Variants in CHN1 observed in about 807,000 individuals in gnomAD.
CHN1 encodes chimerin 1.
CHN1 carries 37 observed loss-of-function variants against 59.5 expected under a neutral mutation model. That is an observed-to-expected ratio of 0.62 (90% CI 0.48 to 0.82). The LOEUF (loss-of-function observed/expected upper bound fraction) is 0.82. Among genes scored for constraint, CHN1 ranks in the 40% least tolerant of loss-of-function variants. The pLI is 0.00. For missense variants in CHN1, 469 were observed against 571.0 expected (o/e 0.82, Z 1.82); for synonymous variants, 206 against 200.4 (o/e 1.03, Z -0.24).
intron 6 of CHN1, among the ~76,000 whole-genome samples, chr2:174,863,698 AT>A (rs1687131849): frequency 6.6e-6 from 1 of 152,198 alleles, no homozygotes; most frequent in Admixed American, 6.5e-5. Context: ...TCAGAACCGC[AT>A]ATCTAATCTA....
chr2:174,866,218 G>A (rs924957599), intron 6 of CHN1, among the ~76,000 whole-genome samples: 1 of 152,082 alleles, frequency 6.6e-6, no homozygotes, highest in African/African-American at 2.4e-5. Flanking sequence ...CAGATACTGT[G>A]GATCACTCCA....
At chr2:174,999,429 C>A (rs1574259850) in intron 1 of CHN1, among the ~76,000 whole-genome samples, 1 of 152,212 alleles carries the variant, frequency 6.6e-6, no homozygotes, top group Non-Finnish European at 1.5e-5. Flanking sequence ...AGAAACGCTA[C>A]ACCCTCACCA....
rs187307831 is a variant in CHN1 at position 174,864,329 on chromosome 2, C to T, written c.549+13511G>A. Reference sequence around the variant, plus strand: ...ATGCTTCAACTTTGACAATGAAATGCTAATAAGCACTTTGAAGACTGAAAT... The same window carrying T: ...ATGCTTCAACTTTGACAATGAAATGTTAATAAGCACTTTGAAGACTGAAAT... On this transcript the variant is annotated intron_variant, in intron 6 of 12. Transcript: ENST00000409900. 5.9e-5 allele frequency among the ~76,000 whole-genome samples: 9 copies of T among 152,210 alleles called. No homozygotes were observed. The East Asian group carries it at 1.5e-3, about 26-fold the overall frequency.
intron 7 of CHN1, among the ~76,000 whole-genome samples, chr2:174,826,437 A>C (rs1685682671): frequency 6.6e-6 from 1 of 152,162 alleles, no homozygotes. Context: ...TTTTAGAGAA[A>C]GTCTTTGGGA....
At chr2:174,864,972 T>C (rs1687175816) in intron 6 of CHN1, among the ~76,000 whole-genome samples, 1 of 152,214 alleles carries the variant, frequency 6.6e-6, no homozygotes, top group South Asian at 2.1e-4. Context: ...TTTATTGTTG[T>C]TGTTCCTATG....
chr2:174,823,594 C>T (rs923338291), intron 8 of CHN1, among the ~76,000 whole-genome samples: 5 of 151,020 alleles, frequency 3.3e-5, no homozygotes, highest in African/African-American at 4.9e-5. Context: ...ACCTGGGAGG[C>T]GGAGCTTGCA....
At chr2:174,877,738 T>G in intron 6 of CHN1, 102 bp downstream of exon 6, 1 of 996,716 alleles carries the variant, frequency 1.0e-6, no homozygotes, top group Admixed American at 3.0e-5. Flanking sequence ...ATGAATATAC[T>G]TTCCAAAGCA....
intron 8 of CHN1, among the ~76,000 whole-genome samples, chr2:174,818,840 A>AT (rs1182634682): frequency 1.3e-5 from 2 of 152,222 alleles, no homozygotes; most frequent in African/African-American, 4.8e-5. Context: ...CACAGGTTTT[A>AT]TATCTAGAAA....
At chr2:174,948,364 G>T (rs1689908789) in intron 2 of CHN1, among the ~76,000 whole-genome samples, 2 of 152,160 alleles carry the variant, frequency 1.3e-5, no homozygotes, top group South Asian at 4.1e-4. Flanking sequence ...CTTACTCATA[G>T]TCCTAATCTG....
intron 11 of CHN1, among the ~76,000 whole-genome samples, chr2:174,808,199 A>G (rs564275290): frequency 1.2e-4 from 19 of 152,380 alleles, no homozygotes; most frequent in African/African-American, 4.6e-4. Context: ...ACAGAAACTG[A>G]GAATAAGAAT....
intron 9 of CHN1, 168 bp downstream of exon 9, chr2:174,812,141 A>T: frequency 4.4e-6 from 2 of 459,632 alleles, no homozygotes; most frequent in Non-Finnish European, 3.7e-6. Context: ...CAAGCTATTT[A>T]ATTGTTAAAT....
intron 5 of CHN1, among the ~76,000 whole-genome samples, chr2:174,893,827 G>A (rs1318452772): frequency 6.6e-6 from 1 of 152,150 alleles, no homozygotes; most frequent in Non-Finnish European, 1.5e-5. Flanking sequence ...ACTGTCATGT[G>A]TATGGTCAAA....
chr2:174,802,039 G>C (rs1684740108), intron 11 of CHN1: 2 of 390,018 alleles, frequency 5.1e-6, no homozygotes, highest in Non-Finnish European at 9.7e-6. Context: ...TGGGGATGGA[G>C]GGAACATCCA....
chr2:174,993,924 T>C (rs1241913112), intron 1 of CHN1, among the ~76,000 whole-genome samples: 2 of 152,204 alleles, frequency 1.3e-5, no homozygotes, highest in African/African-American at 2.4e-5. Context: ...TAAAAACTAA[T>C]AGGAAGGTTC....
intron 9 of CHN1, 113 bp downstream of exon 9, chr2:174,812,196 C>G (rs971450934): frequency 2.2e-5 from 17 of 758,998 alleles, no homozygotes; most frequent in Non-Finnish European, 3.2e-5. Flanking sequence ...TGAAACCATT[C>G]CCCTCCAAAT....
intron 7 of CHN1, among the ~76,000 whole-genome samples, chr2:174,843,630 C>T (rs1453541493): frequency 1.3e-5 from 2 of 151,584 alleles, no homozygotes; most frequent in African/African-American, 4.9e-5. Flanking sequence ...ATCATAATCT[C>T]TGCAACTGGA....
At chr2:174,807,444 A>ATGTGTGTGTGTGTGTG in intron 11 of CHN1, among the ~76,000 whole-genome samples, 1 of 90,328 alleles carries the variant, frequency 1.1e-5, no homozygotes, top group South Asian at 4.1e-4. Context: ...TTCACGGGCT[A>ATGTGTGTGTGTGTGTG]TCTGTGTGTG....
chr2:174,824,337 C>T (rs983917522), intron 8 of CHN1, 97 bp downstream of exon 8: 3 of 868,808 alleles, frequency 3.5e-6, no homozygotes, highest in Admixed American at 5.5e-5. Flanking sequence ...AAACCAGGAT[C>T]CAGCCTACTG....
intron 5 of CHN1, among the ~76,000 whole-genome samples, chr2:174,887,788 T>C (rs984542291): frequency 2.0e-5 from 3 of 152,124 alleles, no homozygotes; most frequent in Non-Finnish European, 2.9e-5. Context: ...GAATGAAAAA[T>C]AGATTTCTGC....
Sources: allele counts gnomAD v4.1 joint callset (sites outside exome capture counted in the v4.1 genomes callset), GRCh38; gene constraint gnomAD v4.1.1; transcripts MANE v1.5; gene names NCBI Gene and HGNC (gene_info 2026-07-23, HGNC 2026-07-21).